ADCY5: variants seen among roughly 807,000 people sequenced by gnomAD.
ADCY5 encodes adenylate cyclase 5.
In ADCY5, 30 loss-of-function variants were observed where a neutral mutation model predicts 119.7. The ratio of observed to expected loss-of-function variants is 0.25; its 90% CI spans 0.19 to 0.34. The LOEUF is 0.34. ADCY5 is among the 10% of genes least tolerant of loss of function. ADCY5 has a pLI of 1.00. For missense variants in ADCY5, 1,324 were observed against 1,775.2 expected, an observed-to-expected ratio of 0.75 and a Z score of 4.57; for synonymous variants, 753 against 762.2, an observed-to-expected ratio of 0.99 and a Z score of 0.20.
intron 1 of ADCY5, among the ~76,000 whole-genome samples, chr3:123,369,858 C>T (rs1430678621): frequency 6.6e-6 from 1 of 152,220 alleles, no homozygotes; most frequent in East Asian, 1.9e-4. Flanking sequence ...TCTGGGGAGT[C>T]TTATCTGTGA....
At chr3:123,359,985 CTTAAA>C (rs1362439805) in intron 1 of ADCY5, among the ~76,000 whole-genome samples, 2 of 151,636 alleles carry the variant, frequency 1.3e-5, no homozygotes, top group Non-Finnish European at 2.9e-5. Flanking sequence ...GAAGAATAAT[CTTAAA>C]TTATATACTC....
At chr3:123,433,056 C>T (rs938437220) in intron 1 of ADCY5, among the ~76,000 whole-genome samples, 2 of 152,222 alleles carry the variant, frequency 1.3e-5, no homozygotes, top group African/African-American at 2.4e-5. Flanking sequence ...TTGAAAGAGA[C>T]AAGCTCCCTG....
intron 2 of ADCY5, among the ~76,000 whole-genome samples, chr3:123,349,412 C>T (rs1942728633): frequency 1.3e-5 from 2 of 152,178 alleles, no homozygotes; most frequent in Non-Finnish European, 2.9e-5. Context: ...TGTTCTGTGC[C>T]TTCCTCCACT....
chr3:123,402,812 C>T (rs138100137), intron 1 of ADCY5, among the ~76,000 whole-genome samples: 1,859 of 146,746 alleles, frequency 0.013, 43 homozygotes, highest in African/African-American at 0.044. Context: ...GAGATCGCGC[C>T]ACTGCACTCC....
intron 1 of ADCY5, among the ~76,000 whole-genome samples, chr3:123,384,950 A>AC (rs1301601789): frequency 6.6e-6 from 1 of 151,966 alleles, no homozygotes; most frequent in Admixed American, 6.6e-5. Flanking sequence ...AGTCCCTGGG[A>AC]CCCCACCCTG....
chr3:123,346,305 G>A (rs554633676), intron 3 of ADCY5, among the ~76,000 whole-genome samples: 2 of 152,350 alleles, frequency 1.3e-5, no homozygotes, highest in South Asian at 2.1e-4. Flanking sequence ...GGTCCTTCCC[G>A]GATGTGGAGA....
At chr3:123,303,893 G>GAA (rs1553721265) in intron 13 of ADCY5, among the ~76,000 whole-genome samples, 174 bp downstream of exon 13, 5 of 117,186 alleles carry the variant, frequency 4.3e-5, no homozygotes, top group African/African-American at 1.0e-4. Context: ...GAAGAGAAGA[G>GAA]AAGAAAGAAC....
At chr3:123,375,162 G>A (rs907560477) in intron 1 of ADCY5, among the ~76,000 whole-genome samples, 28 of 152,324 alleles carry the variant, frequency 1.8e-4, no homozygotes, top group Non-Finnish European at 4.0e-4. Context: ...GAGGAGAAAG[G>A]GCTGGGATCT....
In ADCY5 at chr3:123,383,283, G is replaced by A. The variant is rs76819002; in HGVS notation, c.1135-30702C>T. Among the ~76,000 whole-genome samples the A allele has an allele frequency of 8.1e-4, 123 of 152,330 alleles. No individual in the cohort carries two copies. The East Asian group carries it at 0.022, about 27-fold the overall frequency. On this transcript the variant is annotated intron_variant, in intron 1 of 20. Transcript: ENST00000462833. ...AGCCAAGTCAGTAGCCATAGTGTGT[G>A]TCAGAAAGGGAGGGAGGAGGCATCA...
intron 16 of ADCY5, chr3:123,296,864 C>G: frequency 1.3e-6 from 1 of 771,974 alleles, no homozygotes; most frequent in Non-Finnish European, 2.0e-6. Flanking sequence ...ACGTCTTGTG[C>G]CTGCCAAGAG....
At chr3:123,285,142 A>G (rs1206318149) in intron 20 of ADCY5, among the ~76,000 whole-genome samples, 1 of 152,208 alleles carries the variant, frequency 6.6e-6, no homozygotes, top group Admixed American at 6.5e-5. Flanking sequence ...ATTGTACAAA[A>G]GCATCCCTCC....
At chr3:123,395,878 T>A (rs1390647895) in intron 1 of ADCY5, among the ~76,000 whole-genome samples, 2 of 143,886 alleles carry the variant, frequency 1.4e-5, no homozygotes, top group Non-Finnish European at 3.0e-5. Context: ...GTGAAGATCC[T>A]GTCTCAAAAA....
intron 12 of ADCY5, among the ~76,000 whole-genome samples, chr3:123,306,974 G>T (rs569664653): frequency 2.8e-4 from 42 of 152,272 alleles, no homozygotes; most frequent in Middle Eastern, 3.4e-3. Flanking sequence ...TATTTTAAGT[G>T]CATGAAACCA....
At chr3:123,324,727 G>T (rs931292574) in intron 8 of ADCY5, among the ~76,000 whole-genome samples, 1 of 152,218 alleles carries the variant, frequency 6.6e-6, no homozygotes, top group Middle Eastern at 3.2e-3. Context: ...CCCTGGAGGT[G>T]GAGCTGACAC....
intron 1 of ADCY5, among the ~76,000 whole-genome samples, chr3:123,422,131 T>C (rs1326337315): frequency 6.6e-6 from 1 of 152,224 alleles, no homozygotes; most frequent in South Asian, 2.1e-4. Context: ...AGCTTCCTCC[T>C]GGGCAGAGGG....
intron 1 of ADCY5, among the ~76,000 whole-genome samples, chr3:123,442,964 C>A (rs1945748986): frequency 6.6e-6 from 1 of 152,254 alleles, no homozygotes; most frequent in Non-Finnish European, 1.5e-5. Context: ...GTTGAGCCTG[C>A]TGCTGAAGTT....
chr3:123,448,051 G>A lies in ADCY5; in HGVS notation c.495C>T (p.Gly165=). 8.1e-7 allele frequency: 1 copy of A among 1,236,948 alleles called. No individual in the cohort carries two copies. Among genetic ancestry groups the A allele is most frequent in the East Asian group, 3.7e-5 (1 of 27,252 alleles). 76.6% of individuals were successfully genotyped at this position (1,236,948 alleles called of 1,614,324 possible). Residue 165 remains glycine, a synonymous_variant, in exon 1 of 21, where the codon GGC becomes GGT. Transcript: ENST00000462833. Reference sequence around the variant, plus strand: ...CCAGCTCGTCGGCCGCGCGCCCCTTGCCCCGCCGCTCCTCCAGACCCACCT... The same window carrying A: ...CCAGCTCGTCGGCCGCGCGCCCCTTACCCCGCCGCTCCTCCAGACCCACCT... The part of the protein sequence containing the change: ...SVEVGLEERR[G]KGRAADELEA...
chr3:123,364,720 A>G lies in ADCY5; in HGVS notation c.1135-12139T>C, dbSNP rs192301568. Reference sequence around the variant, plus strand: ...ATTTACAAAAATAAAAAGTATATTCATTGCCCAAATTATAAAATGTACATT... The same window carrying G: ...ATTTACAAAAATAAAAAGTATATTCGTTGCCCAAATTATAAAATGTACATT... On this transcript the variant is annotated intron_variant, in intron 1 of 20. Coordinates refer to ENST00000462833, the MANE Select transcript of ADCY5 (RefSeq NM_183357.3). Among the ~76,000 whole-genome samples, 10 of 152,320 alleles carry G rather than the reference A, an allele frequency of 6.6e-5. No homozygotes were observed. The East Asian group carries it at 1.9e-3, about 29-fold the overall frequency.
chr3:123,396,407 GAA>G (rs1233512868), intron 1 of ADCY5, among the ~76,000 whole-genome samples: 1 of 123,688 alleles, frequency 8.1e-6, no homozygotes, highest in Admixed American at 8.8e-5. Flanking sequence ...AAAAGAAAGA[GAA>G]AGAGAGAGAG....
Sources: allele counts gnomAD v4.1 joint callset (sites outside exome capture counted in the v4.1 genomes callset), GRCh38; gene constraint gnomAD v4.1.1; transcripts MANE v1.5; gene names NCBI Gene and HGNC (gene_info 2026-07-23, HGNC 2026-07-21).